Variants in FLNB observed in about 807,000 individuals in gnomAD.
FLNB encodes filamin B, also known as filamin-B.
A neutral mutation model predicts 250.6 loss-of-function variants in FLNB; 111 were observed. That is an observed-to-expected ratio of 0.44 (90% CI 0.38 to 0.52). The LOEUF is 0.52. Among genes scored for constraint, FLNB ranks in the 20% least tolerant of loss-of-function variants. The probability of loss-of-function intolerance (pLI) is 0.00; values close to 1 mark genes in which losing one functional copy is unlikely to be tolerated. For missense variants in FLNB, 2,869 were observed against 3,447.8 expected (o/e 0.83, Z 4.20); for synonymous variants, 1,302 against 1,372.1 (o/e 0.95, Z 1.13).
intron 14 of FLNB, 79 bp downstream of exon 14, chr3:58,109,401 C>A: frequency 6.3e-7 from 1 of 1,581,394 alleles, no homozygotes; most frequent in Admixed American, 1.8e-5. Context: ...TGCCTGACAG[C>A]CAAGGCAGAC....
intron 38 of FLNB, among the ~76,000 whole-genome samples, chr3:58,151,693 A>G (rs2097345326): frequency 6.6e-6 from 1 of 152,248 alleles, no homozygotes; most frequent in Non-Finnish European, 1.5e-5. Context: ...TATTGGTGAT[A>G]GAAAAAGAGA....
At chr3:58,013,207 A>G (rs2097101429) in intron 1 of FLNB, among the ~76,000 whole-genome samples, 1 of 152,224 alleles carries the variant, frequency 6.6e-6, no homozygotes, top group Non-Finnish European at 1.5e-5. Context: ...ATCAAGGCCT[A>G]GAAGTTTGGG....
intron 27 of FLNB, among the ~76,000 whole-genome samples, 179 bp downstream of exon 27, chr3:58,134,951 G>C (rs908078174): frequency 6.6e-6 from 1 of 152,190 alleles, no homozygotes; most frequent in African/African-American, 2.4e-5. Context: ...AGAGATTTGA[G>C]GGTGTAGCTC....
chr3:58,111,371 T>C (rs941436967), intron 16 of FLNB, among the ~76,000 whole-genome samples: 1 of 152,256 alleles, frequency 6.6e-6, no homozygotes, highest in African/African-American at 2.4e-5. Context: ...ACATTCTTTT[T>C]GAAGAATTAT....
At chr3:58,018,054 CTGAA>C (rs1436150210) in intron 1 of FLNB, among the ~76,000 whole-genome samples, 2 of 152,094 alleles carry the variant, frequency 1.3e-5, no homozygotes, top group Non-Finnish European at 2.9e-5. Context: ...TGGCTGTGTA[CTGAA>C]TGTTGAGGTG....
intron 1 of FLNB, among the ~76,000 whole-genome samples, chr3:58,011,696 C>T (rs1348512975): frequency 6.6e-6 from 1 of 152,216 alleles, no homozygotes; most frequent in African/African-American, 2.4e-5. Flanking sequence ...ATGACACTAG[C>T]TTCAATTTGG....
rs541313576 is a variant in FLNB at position 58,088,710 on chromosome 3, G to A, written c.788-6126G>A. Among the ~76,000 whole-genome samples the A allele has an allele frequency of 5.4e-3, 818 of 152,294 alleles. 8 individuals carry two copies. Among genetic ancestry groups the A allele is most frequent in the African/African-American group, 0.019 (773 of 41,566 alleles). On this transcript the variant is annotated intron_variant, in intron 4 of 45. Coordinates refer to ENST00000295956, the MANE Select transcript of FLNB (RefSeq NM_001457.4). ...AGACCAGGAAAGGGCAGCCCAGTGA[G>A]GCAGAAAACTTAAAGAGTCACTGCT...
intron 16 of FLNB, 65 bp downstream of exon 16, chr3:58,110,235 G>A: frequency 6.7e-7 from 1 of 1,497,882 alleles, no homozygotes; most frequent in Non-Finnish European, 9.3e-7. Context: ...CCACTTGTGT[G>A]CATGTCTCAT....
intron 1 of FLNB, among the ~76,000 whole-genome samples, chr3:58,044,494 G>T (rs1057397329): frequency 3.3e-5 from 5 of 151,990 alleles, no homozygotes; most frequent in Admixed American, 6.6e-5. Context: ...GCATGATGGC[G>T]CACACCAGTA....
chr3:58,030,120 A>C (rs562294728), intron 1 of FLNB, among the ~76,000 whole-genome samples: 16 of 152,284 alleles, frequency 1.1e-4, no homozygotes, highest in African/African-American at 3.1e-4. Flanking sequence ...CTTTGTTAGA[A>C]CATGCTAATG....
At chr3:58,054,878 A>G (rs1006127106) in intron 1 of FLNB, among the ~76,000 whole-genome samples, 5 of 152,148 alleles carry the variant, frequency 3.3e-5, no homozygotes, top group African/African-American at 1.2e-4. Flanking sequence ...CATAGGCCAC[A>G]CTCATTTATT....
chr3:58,084,288 C>G (rs1410386303), intron 4 of FLNB, among the ~76,000 whole-genome samples: 8 of 151,662 alleles, frequency 5.3e-5, no homozygotes, highest in Non-Finnish European at 1.2e-4. Context: ...TCCTTAATGA[C>G]AAAACAGTTG....
At position 58,097,968 on chromosome 3, in the gene FLNB, T is replaced by C; in HGVS notation, c.1138T>C (p.Tyr380His). The C allele has an allele frequency of 6.2e-7, 1 of 1,614,076 alleles. No individual in the cohort carries two copies. The highest frequency in any genetic ancestry group is 8.5e-7 in the Non-Finnish European group (1 of 1,179,934). The change falls in exon 7 of 46, where the codon TAT becomes CAT. Residue 380 changes from tyrosine (Y) to histidine (H), a missense_variant. Physicochemically the swap from Tyr to His is moderately conservative, Grantham distance 83 (BLOSUM62 2). This residue lies in a region of FLNB where 1,348 missense variants were observed against 1,466.7 expected (regional missense o/e 0.92). Coordinates refer to ENST00000295956, the MANE Select transcript of FLNB (RefSeq NM_001457.4). ...CAATAAGCCCACCTACTTTGACATC[T>C]ATACGGCAGGTAACGTGCCTCTCCT... ...IANKPTYFDI[Y>H]TAGAGVGDIG...
intron 1 of FLNB, among the ~76,000 whole-genome samples, chr3:58,076,157 T>G (rs1224153222): frequency 6.6e-6 from 1 of 152,188 alleles, no homozygotes; most frequent in Admixed American, 6.5e-5. Context: ...TGATAACACC[T>G]AGCATTGGTG....
In FLNB at chr3:58,170,864, A is replaced by G; in HGVS notation, c.*102A>G. 4 of 1,051,216 alleles carry G rather than the reference A, an allele frequency of 3.8e-6. No homozygotes were observed. Among genetic ancestry groups the G allele is most frequent in the Non-Finnish European group, 5.8e-6 (4 of 695,216 alleles). 65.1% of individuals were successfully genotyped at this position (1,051,216 alleles called of 1,614,324 possible). On this transcript the variant is annotated 3_prime_UTR_variant, in exon 46 of 46. Transcript: ENST00000295956. ...CCTCCAGCCTGTTTGTGGGGCTGAA[A>G]CCCCATCCCTAAAATATTGCTGTTG... is the stretch of plus-strand genomic sequence containing the variant.
intron 10 of FLNB, 22 bp downstream of exon 10, chr3:58,104,107 G>C: frequency 6.2e-7 from 1 of 1,613,198 alleles, no homozygotes. Context: ...GCTGCAGAGG[G>C]GTCTTCTCTG....
At chr3:58,148,533 C>T in intron 35 of FLNB, 116 bp from the exon 36 acceptor site, 1 of 1,230,610 alleles carries the variant, frequency 8.1e-7, no homozygotes, top group Non-Finnish European at 1.2e-6. Context: ...GTGATATCGA[C>T]ACTCTGGATT....
intron 10 of FLNB, 46 bp downstream of exon 10, chr3:58,104,131 C>A: frequency 6.2e-7 from 1 of 1,608,006 alleles, no homozygotes; most frequent in Non-Finnish European, 8.5e-7. Flanking sequence ...GGTGCTCGGC[C>A]CAGGGCGGAC....
chr3:58,132,724 G>C lies in FLNB; in HGVS notation c.4391-84G>C, dbSNP rs1316758033. ...TGGAAACCAATAGCTCTTGGGGATGGATGTGGTCCTATTTCAGACTCAGCC... is the reference window on the plus strand; with the variant it reads ...TGGAAACCAATAGCTCTTGGGGATGCATGTGGTCCTATTTCAGACTCAGCC... On this transcript the variant is annotated intron_variant, in intron 25 of 45. Coordinates refer to ENST00000295956, the MANE Select transcript of FLNB (RefSeq NM_001457.4). 3.8e-6 allele frequency: 6 copies of C among 1,562,358 alleles called. No individual in the cohort carries two copies. In the African/African-American group the frequency reaches 5.4e-5, roughly 14 times the overall value.
Sources: gnomAD v4.1 joint callset for allele counts (sites outside exome capture counted in the v4.1 genomes callset) on GRCh38, gnomAD v4.1.1 for gene constraint, gnomAD v4.1.1 regional missense constraint, MANE v1.5 for transcripts, NCBI Gene and HGNC (gene_info 2026-07-23, HGNC 2026-07-21) for gene names.